IQCM: variants seen among roughly 807,000 people sequenced by gnomAD.
The protein encoded by IQCM is IQ motif containing M.
Under a neutral mutation model 57.6 loss-of-function variants are expected in IQCM, and 45 were observed. The ratio of observed to expected loss-of-function variants is 0.78; its 90% confidence interval spans 0.62 to 1.00. The LOEUF (loss-of-function observed/expected upper bound fraction) is 1.00. IQCM is among the 50% of genes least tolerant of loss of function. The probability of loss-of-function intolerance (pLI) is 0.00; values close to 1 mark genes in which losing one functional copy is unlikely to be tolerated. For missense variants in IQCM, 468 were observed against 511.6 expected (o/e 0.91, Z 0.82); for synonymous variants, 148 against 158.9 (o/e 0.93, Z 0.51).
intron 12 of IQCM, among the ~76,000 whole-genome samples, chr4:149,522,102 G>A (rs1303740491): frequency 6.6e-6 from 1 of 152,194 alleles, no homozygotes; most frequent in African/African-American, 2.4e-5. Context: ...GATAATCCCA[G>A]AGTTTCTGAC....
At chr4:149,798,875 A>G (rs975064372) in intron 2 of IQCM, among the ~76,000 whole-genome samples, 1 of 151,944 alleles carries the variant, frequency 6.6e-6, no homozygotes, top group African/African-American at 2.4e-5. Context: ...GTCCCAATAC[A>G]ATAAGAGGTG....
chr4:149,561,262 C>T (rs1402038002), intron 10 of IQCM, among the ~76,000 whole-genome samples: 2 of 67,482 alleles, frequency 3.0e-5, no homozygotes, highest in African/African-American at 1.5e-4. Flanking sequence ...TTTTCACGCT[C>T]ATCTTTGGCC....
chr4:149,353,298 G>T (rs1156729222), intron 13 of IQCM, among the ~76,000 whole-genome samples: 1 of 152,174 alleles, frequency 6.6e-6, no homozygotes, highest in East Asian at 1.9e-4. Flanking sequence ...GTTAGCAAGA[G>T]TGCGGATAAA....
chr4:149,783,081 A>T (rs1419927677), intron 2 of IQCM, among the ~76,000 whole-genome samples: 2 of 152,210 alleles, frequency 1.3e-5, no homozygotes, highest in Non-Finnish European at 2.9e-5. Context: ...TATCTATAGT[A>T]CAGAACTCTC....
chr4:149,359,975 T>A (rs1560772342), intron 13 of IQCM, among the ~76,000 whole-genome samples: 1 of 152,158 alleles, frequency 6.6e-6, no homozygotes, highest in Admixed American at 6.5e-5. Context: ...GAGAGCTTTC[T>A]GGGTCTCCAT....
At chr4:149,481,716 T>TTTTTTTTC (rs1740897023) in intron 12 of IQCM, among the ~76,000 whole-genome samples, 1 of 138,584 alleles carries the variant, frequency 7.2e-6, no homozygotes, top group African/African-American at 2.7e-5. Flanking sequence ...TTTTTTTTTT[T>TTTTTTTTC]TTTTTTGCTT....
intron 13 of IQCM, among the ~76,000 whole-genome samples, chr4:149,420,751 T>C (rs752722943): frequency 1.3e-5 from 2 of 152,002 alleles, no homozygotes; most frequent in Admixed American, 6.6e-5. Flanking sequence ...CATATATAGG[T>C]TGTATATTAT....
Position 149,772,929 on chromosome 4 carries a change from C to T in IQCM, c.-48-30190G>A, listed in dbSNP as rs76022646. On this transcript the variant is annotated intron_variant, in intron 2 of 13. Coordinates refer to ENST00000636793, the MANE Select transcript of IQCM (RefSeq NM_001363507.2). ...AGCAGCTAAGATTTTTTAAAAAACACTTGAAAGCCTGTTGTATAAAGAACT... is the reference window on the plus strand; with the variant it reads ...AGCAGCTAAGATTTTTTAAAAAACATTTGAAAGCCTGTTGTATAAAGAACT... Among the ~76,000 whole-genome samples the T allele has an allele frequency of 9.7e-3, 1,473 of 152,214 alleles. 32 individuals carry two copies. The highest frequency in any genetic ancestry group is 0.033 in the African/African-American group (1,376 of 41,526).
chr4:149,664,605 G>A (rs1333053682), intron 7 of IQCM, among the ~76,000 whole-genome samples: 1 of 152,132 alleles, frequency 6.6e-6, no homozygotes, highest in Non-Finnish European at 1.5e-5. Flanking sequence ...TAAGATGTGA[G>A]AGTTTGTGAT....
chr4:149,751,471 G>T (rs1768431391), intron 2 of IQCM, among the ~76,000 whole-genome samples: 1 of 152,104 alleles, frequency 6.6e-6, no homozygotes, highest in South Asian at 2.1e-4. Context: ...ATTCCAGTCT[G>T]CCTGAGATTT....
At chr4:149,629,515 A>G in intron 7 of IQCM, among the ~76,000 whole-genome samples, 1 of 152,080 alleles carries the variant, frequency 6.6e-6, no homozygotes, top group East Asian at 1.9e-4. Flanking sequence ...GCTCTTCCTT[A>G]TATCATGGGA....
intron 2 of IQCM, among the ~76,000 whole-genome samples, chr4:149,746,542 T>TTAAAATAAAACGTAATC (rs1231824884): frequency 1.3e-5 from 2 of 152,152 alleles, no homozygotes; most frequent in African/African-American, 4.8e-5. Context: ...TGAACTTCAT[T>TTAAAATAAAACGTAATC]TAAAATAAAA....
chr4:149,494,362 A>G (rs1469696525), intron 12 of IQCM, among the ~76,000 whole-genome samples: 4 of 152,174 alleles, frequency 2.6e-5, no homozygotes, highest in African/African-American at 7.2e-5. Context: ...ATACAATTGC[A>G]TAGGTATGAA....
intron 9 of IQCM, among the ~76,000 whole-genome samples, chr4:149,585,147 C>T (rs936988091): frequency 2.0e-5 from 3 of 151,736 alleles, no homozygotes; most frequent in Admixed American, 2.0e-4. Flanking sequence ...TTTACTGTAG[C>T]CTGGCAATAG....
chr4:149,404,604 G>A (rs1230657502), intron 13 of IQCM, among the ~76,000 whole-genome samples: 1 of 152,008 alleles, frequency 6.6e-6, no homozygotes, highest in African/African-American at 2.4e-5. Flanking sequence ...TTATTTCTTG[G>A]AGTGTAAAAT....
rs555104435 is a variant in IQCM, at chr4:149,416,255, A to G, written c.1390+17141T>C. On this transcript the variant is annotated intron_variant, in intron 13 of 13. Coordinates refer to ENST00000636793, the MANE Select transcript of IQCM (RefSeq NM_001363507.2). Reference sequence around the variant, plus strand: ...CCCTCCCCCATGGAGCCTTAAAAATAATACTGCAGAACATAGTGATCCTGA... The same window carrying G: ...CCCTCCCCCATGGAGCCTTAAAAATGATACTGCAGAACATAGTGATCCTGA... Among the ~76,000 whole-genome samples the G allele has an allele frequency of 2.0e-4, 30 of 152,220 alleles. No individual in the cohort carries two copies. The East Asian group carries it at 5.4e-3, about 28-fold the overall frequency.
chr4:149,522,528 T>A (rs1056639512), intron 12 of IQCM, among the ~76,000 whole-genome samples: 4 of 152,032 alleles, frequency 2.6e-5, no homozygotes, highest in Non-Finnish European at 4.4e-5. Flanking sequence ...AATAATTCAG[T>A]GAATACATTG....
chr4:149,600,225 G>C (rs1030365737), intron 8 of IQCM, among the ~76,000 whole-genome samples: 1 of 152,136 alleles, frequency 6.6e-6, no homozygotes, highest in Non-Finnish European at 1.5e-5. Context: ...GCATCACAGA[G>C]CTAATAAAAA....
At chr4:149,359,566 G>A (rs544098807) in intron 13 of IQCM, among the ~76,000 whole-genome samples, 5 of 152,112 alleles carry the variant, frequency 3.3e-5, no homozygotes, top group Non-Finnish European at 5.9e-5. Context: ...TAAAGAAGTG[G>A]CTTTAAATTG....
Sources: allele counts gnomAD v4.1 joint callset (sites outside exome capture counted in the v4.1 genomes callset), GRCh38; gene constraint gnomAD v4.1.1; transcripts MANE v1.5; gene names NCBI Gene and HGNC (gene_info 2026-07-23, HGNC 2026-07-21).